Variants in NUTF2 observed in about 807,000 individuals in gnomAD.
NUTF2 encodes the protein placental protein 15.
Under a neutral mutation model 18.5 loss-of-function variants are expected in NUTF2, and 3 were observed. That is an observed-to-expected ratio of 0.16 (90% CI 0.07 to 0.42). The LOEUF is 0.42. NUTF2 is among the 10% of genes least tolerant of loss of function. The pLI is 0.99. For missense variants in NUTF2, 44 were observed against 160.7 expected, an observed-to-expected ratio of 0.27 and a Z score of 3.93; for synonymous variants, 51 against 57.9, an observed-to-expected ratio of 0.88 and a Z score of 0.54.
intron 1 of NUTF2, chr16:67,855,980 G>C: frequency 8.2e-7 from 1 of 1,225,622 alleles, no homozygotes. Context: ...CTGCTTCTTG[G>C]TGCCAGCGGC....
rs766039232 is a variant in NUTF2 at position 67,870,932 on chromosome 16, C to A, written c.*19C>A. 39 of 1,548,506 alleles carry A rather than the reference C, an allele frequency of 2.5e-5. No individual in the cohort carries two copies. The highest frequency in any genetic ancestry group is 1.7e-4 in the Middle Eastern group (1 of 5,958). On this transcript the variant is annotated 3_prime_UTR_variant, in exon 5 of 5. Coordinates refer to ENST00000219169, the MANE Select transcript of NUTF2 (RefSeq NM_005796.3). ...TGGCTGACCTCCTCTCAGCTAGGCA[C>A]TCACGCTGTTTCCTCCTCCCTCCTC...
intron 4 of NUTF2, among the ~76,000 whole-genome samples, chr16:67,869,547 A>ATCCC (rs2057997451): frequency 6.6e-6 from 1 of 151,218 alleles, no homozygotes; most frequent in African/African-American, 2.4e-5. Context: ...GCACTTTGGG[A>ATCCC]GGCCGAGGCA....
chr16:67,858,726 G>A (rs1388809946), intron 1 of NUTF2, among the ~76,000 whole-genome samples: 1 of 152,178 alleles, frequency 6.6e-6, no homozygotes, highest in Non-Finnish European at 1.5e-5. Flanking sequence ...CCTAGGACAG[G>A]ATAAGTGGTT....
At chr16:67,864,964 C>G (rs929548159) in intron 1 of NUTF2, 138 bp from the exon 2 acceptor site, 16 of 583,658 alleles carry the variant, frequency 2.7e-5, no homozygotes, top group Non-Finnish European at 4.9e-5. Flanking sequence ...TGCCAGTTCC[C>G]CAGGGCCTGT....
intron 1 of NUTF2, among the ~76,000 whole-genome samples, chr16:67,861,337 AT>A (rs1443408668): frequency 6.6e-6 from 1 of 152,232 alleles, no homozygotes; most frequent in African/African-American, 2.4e-5. Context: ...CCAGACAGTT[AT>A]TTTGAGTTTT....
rs750611785 is a variant in NUTF2, at chr16:67,868,348, G to C, written c.108G>C (p.Ala36=). 6.2e-7 allele frequency: 1 copy of C among 1,613,784 alleles called. No homozygotes were observed. Among genetic ancestry groups the C allele is most frequent in the African/African-American group, 1.3e-5 (1 of 74,850 alleles). ...TCCTGTGCCTTTTTCAGATTGACGCGTCATGCCTTACGTGGGAAGGACAAC... is the reference window on the plus strand; with the variant it reads ...TCCTGTGCCTTTTTCAGATTGACGCCTCATGCCTTACGTGGGAAGGACAAC... ...RTQLGAIYID[A]SCLTWEGQQF... The change falls in exon 3 of 5, where the codon GCG becomes GCC. Residue 36 remains alanine, a synonymous_variant. Transcript: ENST00000219169.
Position 67,872,362 on chromosome 16 carries a change from C to A in NUTF2, c.*1449C>A, listed in dbSNP as rs2058019767. 1 of 152,196 alleles carries A rather than the reference C, an allele frequency of 6.6e-6. No individual in the cohort carries two copies. Among genetic ancestry groups the A allele is most frequent in the Non-Finnish European group, 1.5e-5 (1 of 68,062 alleles). The allele number at this position is 152,196 out of a possible 1,614,324, so 9.4% of individuals were successfully genotyped here. ...ACAGATTGCCTGGTGACATTGGGCA[C>A]AGGGCTGGATGGTGTGCTGTTTGAG... On this transcript the variant is annotated 3_prime_UTR_variant, in exon 5 of 5. Transcript: ENST00000219169.
At chr16:67,855,563 T>C (rs939732274) in intron 1 of NUTF2, among the ~76,000 whole-genome samples, 4 of 152,144 alleles carry the variant, frequency 2.6e-5, no homozygotes, top group Non-Finnish European at 4.4e-5. Flanking sequence ...TTTGTCCCAG[T>C]GTCCTCAGTA....
chr16:67,871,055 G>A lies in NUTF2; in HGVS notation c.*142G>A, dbSNP rs1436630457. On this transcript the variant is annotated 3_prime_UTR_variant, in exon 5 of 5. Transcript: ENST00000219169. Reference sequence around the variant, plus strand: ...GGGCGCAGTGCGCTGCTGCCACTGAGGTGTTGTGCATGATGTTTGGATGCT... The same window carrying A: ...GGGCGCAGTGCGCTGCTGCCACTGAAGTGTTGTGCATGATGTTTGGATGCT... 8.0e-6 allele frequency: 5 copies of A among 624,128 alleles called. No homozygotes were observed. The African/African-American group carries it at 9.2e-5, about 12-fold the overall frequency. 38.7% of individuals were successfully genotyped at this position (624,128 alleles called of 1,614,324 possible). A position where few individuals can be genotyped will look rare whatever the true frequency, so the allele number is the denominator to read the frequency against.
At chr16:67,870,731 T>C (rs2058005391) in intron 4 of NUTF2, 69 bp from the exon 5 acceptor site, 2 of 1,324,988 alleles carry the variant, frequency 1.5e-6, no homozygotes, top group South Asian at 1.2e-5. Context: ...TTTTGCCCTC[T>C]TCTCCTACCA....
intron 1 of NUTF2, among the ~76,000 whole-genome samples, chr16:67,864,248 C>T (rs912652142): frequency 2.0e-5 from 3 of 152,200 alleles, no homozygotes; most frequent in African/African-American, 7.2e-5. Flanking sequence ...CAGTGGCTCA[C>T]GCCTGTAACC....
rs2058009011 is a variant in NUTF2, at chr16:67,871,147, A to T, written c.*234A>T. On this transcript the variant is annotated 3_prime_UTR_variant, in exon 5 of 5. Coordinates refer to ENST00000219169, the MANE Select transcript of NUTF2 (RefSeq NM_005796.3). ...CGCATGCCTTGGAAAGACTTAAGTA[A>T]TGCAAAAGGTTGTCCTTTTTTTTTT... 5 of 362,896 alleles carry T rather than the reference A, an allele frequency of 1.4e-5. No individual in the cohort carries two copies. Among genetic ancestry groups the T allele is most frequent in the Non-Finnish European group, 2.5e-5 (5 of 203,186 alleles). 22.5% of individuals were successfully genotyped at this position (362,896 alleles called of 1,614,324 possible).
chr16:67,872,389 G>A lies in NUTF2; in HGVS notation c.*1476G>A, dbSNP rs2058020097. The A allele has an allele frequency of 6.6e-6, 1 of 152,240 alleles. No individual in the cohort carries two copies. Among genetic ancestry groups the A allele is most frequent in the African/African-American group, 2.4e-5 (1 of 41,458 alleles). The allele number at this position is 152,240 out of a possible 1,614,324, so 9.4% of individuals were successfully genotyped here. On this transcript the variant is annotated 3_prime_UTR_variant, in exon 5 of 5. Coordinates refer to ENST00000219169, the MANE Select transcript of NUTF2 (RefSeq NM_005796.3). ...GGGCTGGATGGTGTGCTGTTTGAGA[G>A]GACAGCATGCTCAGGAGATTTCAGT...
chr16:67,851,806 A>G (rs1567378811), intron 1 of NUTF2, among the ~76,000 whole-genome samples: 1 of 152,112 alleles, frequency 6.6e-6, no homozygotes, highest in Non-Finnish European at 1.5e-5. Flanking sequence ...ACTTGAGGTC[A>G]GGAGTTCAAA....
At chr16:67,864,536 AGAG>A (rs1312739433) in intron 1 of NUTF2, among the ~76,000 whole-genome samples, 3 of 150,334 alleles carry the variant, frequency 2.0e-5, no homozygotes, top group South Asian at 2.1e-4. Flanking sequence ...AAAAAAAAGA[AGAG>A]GGGCCTTGAG....
At position 67,872,067 on chromosome 16, in the gene NUTF2, G is replaced by T. The variant is rs1001232055; in HGVS notation, c.*1154G>T. On this transcript the variant is annotated 3_prime_UTR_variant, in exon 5 of 5. Coordinates refer to ENST00000219169, the MANE Select transcript of NUTF2 (RefSeq NM_005796.3). ...TCATGCTATCTTCCAATTCCGGGGA[G>T]TCTTAGCTATTAGGGCAGTTTCTGC... is the stretch of plus-strand genomic sequence containing the variant. 1 of 152,304 alleles carries T rather than the reference G, an allele frequency of 6.6e-6. No homozygotes were observed. The highest frequency in any genetic ancestry group is 1.5e-5 in the Non-Finnish European group (1 of 68,106). 9.4% of individuals were successfully genotyped at this position (152,304 alleles called of 1,614,324 possible).
rs542998142 is a variant in NUTF2, at chr16:67,849,997, G to A, written c.-30+3012G>A. Among the ~76,000 whole-genome samples the A allele has an allele frequency of 2.6e-5, 4 of 151,742 alleles. No individual in the cohort carries two copies. In the South Asian group the frequency reaches 6.3e-4, roughly 24 times the overall value. The stretch of plus-strand genomic sequence containing the variant: ...TGCAGTGATGTCATCTCCATATGTT[G>A]CCCAGGCTGGTCTCAAACTCCTGAG... On this transcript the variant is annotated intron_variant, in intron 1 of 4. Transcript: ENST00000219169.
At chr16:67,850,716 C>T (rs7198357) in intron 1 of NUTF2, among the ~76,000 whole-genome samples, 44,355 of 152,012 alleles carry the variant, frequency 0.29, 9,203 homozygotes, top group African/African-American at 0.59. Context: ...GGGATATTGC[C>T]GCACAAGGAT....
Position 67,849,427 on chromosome 16 carries a change from C to T in NUTF2, c.-30+2442C>T, listed in dbSNP as rs575813940. On this transcript the variant is annotated intron_variant, in intron 1 of 4. Coordinates refer to ENST00000219169, the MANE Select transcript of NUTF2 (RefSeq NM_005796.3). The stretch of plus-strand genomic sequence containing the variant: ...TGCGATGTCGGCTCACTGCAACCTC[C>T]GCCTCCTGGGTTCAAACGATTCTCC... Among the ~76,000 whole-genome samples, 12 of 152,068 alleles carry T rather than the reference C, an allele frequency of 7.9e-5. No homozygotes were observed. The East Asian group carries it at 1.4e-3, about 17-fold the overall frequency.
Sources: gnomAD v4.1 joint callset for allele counts (sites outside exome capture counted in the v4.1 genomes callset) on GRCh38, gnomAD v4.1.1 for gene constraint, MANE v1.5 for transcripts, NCBI Gene and HGNC (gene_info 2026-07-23, HGNC 2026-07-21) for gene names.